COL24A1: variants seen among roughly 807,000 people sequenced by gnomAD.
COL24A1 encodes collagen type XXIV alpha 1 chain.
A neutral mutation model predicts 253.9 loss-of-function variants in COL24A1; 224 were observed. The observed-to-expected ratio is 0.88, with a 90% CI of 0.79 to 0.99. The LOEUF (loss-of-function observed/expected upper bound fraction) is 0.99, where lower values mean the gene tolerates loss of function less well. Among genes scored for constraint, COL24A1 ranks in the 50% least tolerant of loss-of-function variants. The pLI, the probability that COL24A1 is intolerant of heterozygous loss-of-function variation, is 0.00. For synonymous variants in COL24A1, 685 were observed against 673.7 expected (o/e 1.02, Z -0.26); for missense variants, 2,131 against 2,068.5 (o/e 1.03, Z -0.59).
chr1:85,760,164 C>G (rs419409), intron 55 of COL24A1, among the ~76,000 whole-genome samples: 60,362 of 151,638 alleles, frequency 0.4, 13,314 homozygotes, highest in South Asian at 0.57. Context: ...CCTCTGCCTC[C>G]CGGGCTCAGG....
chr1:86,140,902 T>C (rs1276560557), intron 2 of COL24A1, among the ~76,000 whole-genome samples: 1 of 152,236 alleles, frequency 6.6e-6, no homozygotes, highest in Non-Finnish European at 1.5e-5. Context: ...ACATAAAAAA[T>C]ATACAATTTA....
At position 85,924,300 on chromosome 1, in the gene COL24A1, C is replaced by A. The variant is rs1686919012; in HGVS notation, c.2563-12867G>T. 2.6e-5 allele frequency among the ~76,000 whole-genome samples: 4 copies of A among 152,296 alleles called. No homozygotes were observed. The South Asian group carries it at 6.2e-4, about 24-fold the overall frequency. ...ATTCCAAGCAATAGAAAAAGAGGGACTCCTCCTTAACTTATTTTATGAGGC... is the reference window on the plus strand; with the variant it reads ...ATTCCAAGCAATAGAAAAAGAGGGAATCCTCCTTAACTTATTTTATGAGGC... On this transcript the variant is annotated intron_variant, in intron 24 of 59. Transcript: ENST00000370571.
chr1:85,887,184 T>C (rs1219786472), intron 32 of COL24A1, among the ~76,000 whole-genome samples: 1 of 152,220 alleles, frequency 6.6e-6, no homozygotes, highest in Non-Finnish European at 1.5e-5. Context: ...GCATTCCCCT[T>C]GTTCCCTCTT....
Position 85,966,684 on chromosome 1 carries a change from A to C in COL24A1, c.2464-1622T>G, listed in dbSNP as rs371532749. Among the ~76,000 whole-genome samples the C allele has an allele frequency of 6.6e-5, 10 of 152,240 alleles. 1 individual carries two copies. In the South Asian group the frequency reaches 1.0e-3, roughly 16 times the overall value. ...GATCTTGTCAAATTCTGAAAAATAG[A>C]AATATTGAGTAATAAGAGGACTTTG... On this transcript the variant is annotated intron_variant, in intron 22 of 59. Coordinates refer to ENST00000370571, the MANE Select transcript of COL24A1 (RefSeq NM_152890.7).
chr1:85,768,888 T>C (rs1011299539), intron 53 of COL24A1, among the ~76,000 whole-genome samples: 24 of 152,332 alleles, frequency 1.6e-4, no homozygotes, highest in Middle Eastern at 3.4e-3. Context: ...GGTGCTATAA[T>C]AGACTGGGTA....
intron 31 of COL24A1, among the ~76,000 whole-genome samples, chr1:85,890,956 A>T (rs1167346777): frequency 6.6e-6 from 1 of 152,102 alleles, no homozygotes; most frequent in African/African-American, 2.4e-5. Flanking sequence ...GTCTTCTCTG[A>T]CTCAGTCAAA....
At chr1:85,796,123 A>G (rs1670783442) in intron 47 of COL24A1, among the ~76,000 whole-genome samples, 2 of 152,190 alleles carry the variant, frequency 1.3e-5, no homozygotes, top group Non-Finnish European at 2.9e-5. Flanking sequence ...TTAGGAGGTA[A>G]TTTTAGTTTT....
At chr1:85,874,902 G>C (rs1259218624) in intron 34 of COL24A1, among the ~76,000 whole-genome samples, 200 bp from the exon 35 acceptor site, 1 of 152,224 alleles carries the variant, frequency 6.6e-6, no homozygotes, top group Non-Finnish European at 1.5e-5. Flanking sequence ...CCTCCTGTCA[G>C]ATCAGTGGCA....
intron 10 of COL24A1, among the ~76,000 whole-genome samples, chr1:86,056,979 T>A (rs1281699099): frequency 6.6e-6 from 1 of 152,132 alleles, no homozygotes. Flanking sequence ...TTTAAAAACA[T>A]ATTTTTTATT....
At chr1:85,847,320 C>A (rs1677238975) in intron 39 of COL24A1, among the ~76,000 whole-genome samples, 1 of 152,176 alleles carries the variant, frequency 6.6e-6, no homozygotes, top group Non-Finnish European at 1.5e-5. Flanking sequence ...AATTTGTCAA[C>A]CATGACAGCA....
At chr1:85,772,555 C>G (rs185993570) in intron 53 of COL24A1, among the ~76,000 whole-genome samples, 1 of 151,876 alleles carries the variant, frequency 6.6e-6, no homozygotes, top group Non-Finnish European at 1.5e-5. Flanking sequence ...TTTTAATGAT[C>G]GCCATTCTAA....
intron 59 of COL24A1, among the ~76,000 whole-genome samples, chr1:85,733,353 C>T (rs1663706854): frequency 6.6e-6 from 1 of 152,122 alleles, no homozygotes; most frequent in African/African-American, 2.4e-5. Flanking sequence ...AAGTATTTTA[C>T]ATTTTGTGGG....
At chr1:85,896,275 A>C in intron 29 of COL24A1, 81 bp downstream of exon 29, 1 of 1,372,634 alleles carries the variant, frequency 7.3e-7, no homozygotes, top group East Asian at 2.3e-5. Flanking sequence ...TTGTAGGGAA[A>C]TATATTGTTT....
chr1:85,993,553 A>C (rs555984629), intron 19 of COL24A1, among the ~76,000 whole-genome samples: 3 of 152,176 alleles, frequency 2.0e-5, no homozygotes, highest in African/African-American at 7.2e-5. Flanking sequence ...GAAAGGGAGA[A>C]GACAAGAGGA....
intron 32 of COL24A1, 112 bp downstream of exon 32, chr1:85,889,448 G>T: frequency 1.1e-6 from 1 of 888,746 alleles, no homozygotes; most frequent in Non-Finnish European, 1.8e-6. Context: ...TGGTGTCTAT[G>T]ATAAATGCTG....
At chr1:85,972,536 T>C (rs557369313) in intron 20 of COL24A1, among the ~76,000 whole-genome samples, 2 of 152,332 alleles carry the variant, frequency 1.3e-5, no homozygotes, top group South Asian at 2.1e-4. Flanking sequence ...GATTAGATTA[T>C]GGAAATGGGC....
At chr1:85,735,697 T>A (rs901435864) in intron 58 of COL24A1, among the ~76,000 whole-genome samples, 4 of 152,142 alleles carry the variant, frequency 2.6e-5, no homozygotes, top group Non-Finnish European at 5.9e-5. Flanking sequence ...GAAGACTGAC[T>A]GCACGTTTCC....
intron 47 of COL24A1, among the ~76,000 whole-genome samples, chr1:85,803,439 A>C (rs1270044524): frequency 6.6e-6 from 1 of 151,510 alleles, no homozygotes; most frequent in Non-Finnish European, 1.5e-5. Context: ...CAAAAAAAAA[A>C]AAAAAACCAT....
chr1:85,868,734 A>G, intron 36 of COL24A1, 48 bp downstream of exon 36: 1 of 1,424,682 alleles, frequency 7.0e-7, no homozygotes, highest in African/African-American at 1.5e-5. Context: ...TATTTTAAAG[A>G]TTTTACAAAA....
Sources: gnomAD v4.1 joint callset for allele counts (sites outside exome capture counted in the v4.1 genomes callset) on GRCh38, gnomAD v4.1.1 for gene constraint, MANE v1.5 for transcripts, NCBI Gene and HGNC (gene_info 2026-07-23, HGNC 2026-07-21) for gene names.